The following FAF1 variants were observed in gnomAD, a reference collection of about 807,000 sequenced individuals.
The protein encoded by FAF1 is Fas associated factor 1.
FAF1 carries 25 observed loss-of-function variants against 92.5 expected under a neutral mutation model. The ratio of observed to expected loss-of-function variants is 0.27; its 90% CI spans 0.20 to 0.38. The LOEUF (loss-of-function observed/expected upper bound fraction) is 0.38. Among genes scored for constraint, FAF1 ranks in the 10% least tolerant of loss-of-function variants. The pLI, the probability that FAF1 is intolerant of heterozygous loss-of-function variation, is 1.00. For missense variants in FAF1, 636 were observed against 793.3 expected (o/e 0.80, Z 2.38); for synonymous variants, 234 against 273.2 (o/e 0.86, Z 1.42).
Position 50,819,514 on chromosome 1 carries a change from C to T in FAF1, c.115-17837G>A, listed in dbSNP as rs77270042. ...TGGTGGTACACACCTGTAATCCCAG[C>T]TACTTGAAAGGCTGAGGCAGAAGGA... On this transcript the variant is annotated intron_variant, in intron 2 of 18. Coordinates refer to ENST00000396153, the MANE Select transcript of FAF1 (RefSeq NM_007051.3). Among the ~76,000 whole-genome samples the T allele has an allele frequency of 9.7e-3, 1,443 of 149,068 alleles. 23 individuals carry two copies. The highest frequency in any genetic ancestry group is 0.034 in the African/African-American group (1,365 of 40,306).
Position 50,883,715 on chromosome 1 carries a change from G to A in FAF1, c.46-25718C>T, listed in dbSNP as rs184977749. Among the ~76,000 whole-genome samples, 4 of 152,254 alleles carry A rather than the reference G, an allele frequency of 2.6e-5. No homozygotes were observed. In the East Asian group the frequency reaches 7.7e-4, roughly 29 times the overall value. ...AATATACAACTGTAAATTAGATACT[G>A]ACAGGAAAAGCTGTAAAAAAAATTT... On this transcript the variant is annotated intron_variant, in intron 1 of 18. Transcript: ENST00000396153.
At chr1:50,450,760 A>C (rs1405947761) in intron 18 of FAF1, among the ~76,000 whole-genome samples, 1 of 152,222 alleles carries the variant, frequency 6.6e-6, no homozygotes, top group Non-Finnish European at 1.5e-5. Context: ...CAGGGTATAA[A>C]AAAATCTTTG....
At chr1:50,801,838 ATT>A (rs1662002324) in intron 2 of FAF1, among the ~76,000 whole-genome samples, 161 bp from the exon 3 acceptor site, 2 of 152,176 alleles carry the variant, frequency 1.3e-5, no homozygotes, top group Non-Finnish European at 2.9e-5. Flanking sequence ...ATGTTTCTAT[ATT>A]TCTCAGTTAT....
intron 1 of FAF1, among the ~76,000 whole-genome samples, chr1:50,932,586 G>A (rs1179211788): frequency 6.6e-6 from 1 of 152,218 alleles, no homozygotes; most frequent in Non-Finnish European, 1.5e-5. Context: ...CCTTCTAGGT[G>A]CTTTCACAGG....
intron 8 of FAF1, among the ~76,000 whole-genome samples, chr1:50,608,569 G>C (rs1427266753): frequency 6.6e-6 from 1 of 152,174 alleles, no homozygotes; most frequent in African/African-American, 2.4e-5. Flanking sequence ...GAGTACAACG[G>C]ATGAGGGGAC....
At chr1:50,835,817 T>C (rs1273299891) in intron 2 of FAF1, among the ~76,000 whole-genome samples, 1 of 152,142 alleles carries the variant, frequency 6.6e-6, no homozygotes, top group African/African-American at 2.4e-5. Context: ...AATTGTAGGA[T>C]GGCTTCCAGA....
chr1:50,513,614 C>T (rs1239337540), intron 15 of FAF1, among the ~76,000 whole-genome samples: 1 of 152,186 alleles, frequency 6.6e-6, no homozygotes, highest in East Asian at 1.9e-4. Context: ...ACCAAATCTA[C>T]CATTAACTAA....
intron 18 of FAF1, chr1:50,469,475 T>G (rs548330008): frequency 6.6e-6 from 1 of 152,312 alleles, no homozygotes; most frequent in East Asian, 1.9e-4. Context: ...GAGATGCATG[T>G]GCTGAGGAGG....
At chr1:50,943,070 C>A (rs2124755508) in intron 1 of FAF1, among the ~76,000 whole-genome samples, 1 of 152,240 alleles carries the variant, frequency 6.6e-6, no homozygotes, top group East Asian at 1.9e-4. Context: ...ACATACGAGA[C>A]ATAGAGAATT....
At chr1:50,773,926 G>A (rs1660862075) in intron 4 of FAF1, among the ~76,000 whole-genome samples, 1 of 152,134 alleles carries the variant, frequency 6.6e-6, no homozygotes, top group African/African-American at 2.4e-5. Context: ...ACATCATATT[G>A]TACCTCATAA....
intron 5 of FAF1, among the ~76,000 whole-genome samples, chr1:50,739,390 G>GTACA (rs1557502918): frequency 2.4e-5 from 3 of 126,768 alleles, no homozygotes; most frequent in African/African-American, 9.9e-5. Flanking sequence ...ACATATATGT[G>GTACA]TGTTTATGTG....
intron 15 of FAF1, among the ~76,000 whole-genome samples, chr1:50,527,479 T>G (rs1325943967): frequency 1.3e-5 from 2 of 152,182 alleles, no homozygotes; most frequent in African/African-American, 4.8e-5. Flanking sequence ...TTTGAAGTAG[T>G]TAGTCAACAG....
At chr1:50,748,484 T>A (rs1325774461) in intron 4 of FAF1, among the ~76,000 whole-genome samples, 2 of 97,682 alleles carry the variant, frequency 2.0e-5, no homozygotes, top group African/African-American at 4.6e-5. Flanking sequence ...AGAGTGAAAC[T>A]CTGTCTCAAA....
intron 1 of FAF1, among the ~76,000 whole-genome samples, chr1:50,936,389 C>T (rs763068805): frequency 6.6e-6 from 1 of 152,064 alleles, no homozygotes; most frequent in East Asian, 1.9e-4. Context: ...AAGTAACTGT[C>T]AGAGAAGACT....
chr1:50,506,829 GA>G (rs1031107268), intron 15 of FAF1, among the ~76,000 whole-genome samples: 1 of 151,980 alleles, frequency 6.6e-6, no homozygotes, highest in Non-Finnish European at 1.5e-5. Context: ...GAGAAAAAAG[GA>G]AAAAAAGCTA....
chr1:50,673,970 A>G lies in FAF1; in HGVS notation c.658-18442T>C, dbSNP rs189416856. Among the ~76,000 whole-genome samples, 301 of 149,378 alleles carry G rather than the reference A, an allele frequency of 2.0e-3. 1 individual carries two copies. The highest frequency in any genetic ancestry group is 7.4e-3 in the African/African-American group (298 of 40,408). ...TGACTCTGAGGCTTTTTTTTTTTTG[A>G]CATGGAGTCTTGCTCTGTCACCCAG... is the stretch of plus-strand genomic sequence containing the variant. On this transcript the variant is annotated intron_variant, in intron 7 of 18. Transcript: ENST00000396153.
chr1:50,890,794 A>C lies in FAF1; in HGVS notation c.46-32797T>G, dbSNP rs1017902153. ...ACCTTTCTCTCTGGCTGCCCTTAAC[A>C]TTTTTTCCTTCATTTCAACTTTGGT... On this transcript the variant is annotated intron_variant, in intron 1 of 18. Transcript: ENST00000396153. 2.6e-5 allele frequency among the ~76,000 whole-genome samples: 4 copies of C among 151,706 alleles called. No homozygotes were observed. The East Asian group carries it at 7.8e-4, about 29-fold the overall frequency.
At chr1:50,462,873 T>G (rs1471627385) in intron 18 of FAF1, among the ~76,000 whole-genome samples, 1 of 152,188 alleles carries the variant, frequency 6.6e-6, no homozygotes, top group Non-Finnish European at 1.5e-5. Flanking sequence ...TATCTAGCAG[T>G]AAACTCCAGA....
chr1:50,791,387 G>C (rs1043531435), intron 3 of FAF1, among the ~76,000 whole-genome samples: 1 of 152,296 alleles, frequency 6.6e-6, no homozygotes. Flanking sequence ...GCTGGGGCCA[G>C]TATTCTGCAA....
Sources: allele counts gnomAD v4.1 joint callset (sites outside exome capture counted in the v4.1 genomes callset), GRCh38; gene constraint gnomAD v4.1.1; transcripts MANE v1.5; gene names NCBI Gene and HGNC (gene_info 2026-07-23, HGNC 2026-07-21).